ST6GALNAC1: variants seen among roughly 807,000 people sequenced by gnomAD.
ST6GALNAC1 encodes the protein ST6 N-acetylgalactosaminide alpha-2,6-sialyltransferase 1.
ST6GALNAC1 carries 45 observed loss-of-function variants against 56.8 expected under a neutral mutation model. The ratio of observed to expected loss-of-function variants is 0.79; its 90% CI spans 0.62 to 1.02. ST6GALNAC1 has a LOEUF of 1.02. Among genes scored for constraint, ST6GALNAC1 ranks in the 50% least tolerant of loss-of-function variants. ST6GALNAC1 has a pLI of 0.00. For missense variants in ST6GALNAC1, 743 were observed against 754.8 expected (o/e 0.98, Z 0.18); for synonymous variants, 295 against 297.8 (o/e 0.99, Z 0.10).
intron 5 of ST6GALNAC1, 55 bp from the exon 6 acceptor site, chr17:76,626,447 G>A (rs1421858996): frequency 1.9e-6 from 3 of 1,579,588 alleles, no homozygotes; most frequent in Non-Finnish European, 1.7e-6. Context: ...GACCACCACC[G>A]AGGGTGGCCC....
chr17:76,625,251 A>C lies in ST6GALNAC1; in HGVS notation c.*79T>G. 1 of 1,475,122 alleles carries C rather than the reference A, an allele frequency of 6.8e-7. No homozygotes were observed. The highest frequency in any genetic ancestry group is 9.3e-7 in the Non-Finnish European group (1 of 1,080,866). The allele number at this position is 1,475,122 out of a possible 1,614,324, so 91.4% of individuals were successfully genotyped here. ...TGGAGCTTAGTCTGAGCCATGGGAA[A>C]TGGCCAAAGAGTCTCAAGATTCCCA... is the stretch of plus-strand genomic sequence containing the variant. On this transcript the variant is annotated 3_prime_UTR_variant, in exon 9 of 9. Coordinates refer to ENST00000156626, the MANE Select transcript of ST6GALNAC1 (RefSeq NM_018414.5).
intron 1 of ST6GALNAC1, among the ~76,000 whole-genome samples, chr17:76,638,122 T>C (rs1226581990): frequency 6.6e-5 from 10 of 151,630 alleles, no homozygotes; most frequent in Admixed American, 5.9e-4. Context: ...TTTTTTTTTT[T>C]TTTTTTAATG....
At chr17:76,633,862 C>G (rs1286784577) in intron 1 of ST6GALNAC1, 1 of 152,208 alleles carries the variant, frequency 6.6e-6, no homozygotes, top group Admixed American at 6.5e-5. Flanking sequence ...TTTATGCCTG[C>G]AGCCATGAAA....
chr17:76,625,466 G>T lies in ST6GALNAC1; in HGVS notation c.1667C>A (p.Thr556Lys). 1 of 1,614,160 alleles carries T rather than the reference G, an allele frequency of 6.2e-7. No homozygotes were observed. The highest frequency in any genetic ancestry group is 8.5e-7 in the Non-Finnish European group (1 of 1,180,034). The change falls in exon 9 of 9, where the codon ACA becomes AAA. Residue 556 changes from threonine (T) to lysine (K), a missense_variant. Physicochemically the swap from Thr to Lys is moderately conservative, Grantham distance 78. Transcript: ENST00000156626. Reference protein sequence around the residue: ...HERFSDHYYDTSWKRLIFYIN... With the variant: ...HERFSDHYYDKSWKRLIFYIN... ...GTAAAAGATCAGCCGCTTCCATGAT[G>T]TATCATAGTAGTGATCAGAAAAGCG...
chr17:76,634,268 C>T (rs1278035222), intron 1 of ST6GALNAC1, among the ~76,000 whole-genome samples: 2 of 152,130 alleles, frequency 1.3e-5, no homozygotes, highest in Admixed American at 1.3e-4. Context: ...ATCTCAGGCC[C>T]CCTGGCTGGG....
Position 76,626,793 on chromosome 17 carries a change from T to C in ST6GALNAC1, c.1173-4A>G. ...TTTAATGAGAGCTCCGCTCAATCTG[T>C]GCAGAAAGACACAATCAGACGGGAC... On this transcript the variant is annotated splice_polypyrimidine_tract_variant and splice_region_variant and intron_variant, in intron 4 of 8. Transcript: ENST00000156626. 6.2e-7 allele frequency: 1 copy of C among 1,613,814 alleles called. No homozygotes were observed. The highest frequency in any genetic ancestry group is 8.5e-7 in the Non-Finnish European group (1 of 1,180,026).
chr17:76,619,740 G>GTTTTTTTTTTTTTTTTTT, the ST6GALNAC1 span, among the ~76,000 whole-genome samples: 27 of 101,584 alleles, frequency 2.7e-4, 1 homozygote, highest in African/African-American at 1.0e-3. Flanking sequence ...AATAATGTTA[G>GTTTTTTTTTTTTTTTTTT]TTTTTTTTTT....
rs1204490905 is a variant in ST6GALNAC1 at position 76,625,395 on chromosome 17, G to T, written c.1738C>A (p.His580Asn). ...KLEREVWKRL[H>N]DEGIIRLYQR... ...TACAGCCGGATTATCCCTTCATCGT[G>T]TAGCCGCTTCCAGACTTCTCTCTCC... The change falls in exon 9 of 9, where the codon CAC (histidine) becomes AAC (asparagine). Residue 580 changes from histidine to asparagine, a missense_variant. His to Asn is a moderately conservative substitution (Grantham distance 68). Coordinates refer to ENST00000156626, the MANE Select transcript of ST6GALNAC1 (RefSeq NM_018414.5). 6.2e-7 allele frequency: 1 copy of T among 1,614,144 alleles called. No individual in the cohort carries two copies. Among genetic ancestry groups the T allele is most frequent in the East Asian group, 2.2e-5 (1 of 44,892 alleles).
chr17:76,617,739 C>T, the ST6GALNAC1 span, among the ~76,000 whole-genome samples: 1 of 151,252 alleles, frequency 6.6e-6, no homozygotes, highest in Admixed American at 6.6e-5. Context: ...CCACTGCACT[C>T]CAGCCTGGGC....
chr17:76,634,658 T>C (rs543722865), intron 1 of ST6GALNAC1, among the ~76,000 whole-genome samples: 15,256 of 78,486 alleles, frequency 0.19, 1,504 homozygotes, highest in African/African-American at 0.36. Flanking sequence ...GGGTGGGGGG[T>C]GGATCACCTG....
At chr17:76,630,463 G>A (rs1003460943) in intron 1 of ST6GALNAC1, among the ~76,000 whole-genome samples, 3 of 152,058 alleles carry the variant, frequency 2.0e-5, no homozygotes, top group Admixed American at 6.6e-5. Flanking sequence ...GGTCTCCAGC[G>A]GGGGCACTCT....
chr17:76,622,267 T>TATA (rs57536715), downstream of ST6GALNAC1, among the ~76,000 whole-genome samples: 1 of 150,904 alleles, frequency 6.6e-6, no homozygotes, highest in Non-Finnish European at 1.5e-5. Context: ...TATATATATA[T>TATA]TAACCATTTA....
chr17:76,636,043 A>T (rs2075969545), intron 1 of ST6GALNAC1, among the ~76,000 whole-genome samples: 1 of 152,160 alleles, frequency 6.6e-6, no homozygotes, highest in African/African-American at 2.4e-5. Context: ...ATTTTTATAA[A>T]AGCAATGTGT....
downstream of ST6GALNAC1, among the ~76,000 whole-genome samples, chr17:76,620,074 T>C (rs142265838): frequency 4.6e-3 from 696 of 149,904 alleles, 9 homozygotes; most frequent in African/African-American, 0.017. Flanking sequence ...AGAGTCTTGC[T>C]CTGTCACCCA....
At chr17:76,638,110 C>CTTT (rs397744489) in intron 1 of ST6GALNAC1, among the ~76,000 whole-genome samples, 6 of 132,796 alleles carry the variant, frequency 4.5e-5, no homozygotes, top group Admixed American at 7.6e-5. Context: ...ACAGCTCACT[C>CTTT]TTTTTTTTTT....
Position 76,625,318 on chromosome 17 carries a change from C to T in ST6GALNAC1, c.*12G>A. On this transcript the variant is annotated 3_prime_UTR_variant, in exon 9 of 9. Transcript: ENST00000156626. ...GGAGCAGGCAAGGAGACCATGGCAG[C>T]CCTGGCCCCGGTCAGTTCTTGGCTT... The T allele has an allele frequency of 6.2e-7, 1 of 1,610,226 alleles. No homozygotes were observed. Among genetic ancestry groups the T allele is most frequent in the Non-Finnish European group, 8.5e-7 (1 of 1,179,092 alleles).
At chr17:76,637,692 A>G (rs1208623873) in intron 1 of ST6GALNAC1, 3 of 398,916 alleles carry the variant, frequency 7.5e-6, no homozygotes, top group African/African-American at 2.1e-5. Context: ...TCCCACTCCC[A>G]TGCCTTGGCA....
chr17:76,626,483 C>T, intron 5 of ST6GALNAC1, 91 bp from the exon 6 acceptor site: 9 of 1,514,998 alleles, frequency 5.9e-6, no homozygotes, highest in Non-Finnish European at 8.2e-6. Flanking sequence ...TGCCCACTTG[C>T]TCTGCTCTGG....
In ST6GALNAC1 at chr17:76,629,435, T is replaced by C. The variant is rs139045542; in HGVS notation, c.408A>G (p.Thr136=). The part of the protein sequence containing the change: ...SPEKEKTMVN[T]LSPRGQDAGM... ...CTGCATCTTGCCCTCTGGGTGACAG[T>C]GTGTTCACCATGGTTTTCTCTTTTT... Residue 136 remains threonine (T), a synonymous_variant, in exon 2 of 9, where the codon ACA becomes ACG. Coordinates refer to ENST00000156626, the MANE Select transcript of ST6GALNAC1 (RefSeq NM_018414.5). 5.5e-3 allele frequency: 8,943 copies of C among 1,614,130 alleles called. 32 individuals are homozygous for C. Among genetic ancestry groups the C allele is most frequent in the Non-Finnish European group, 6.9e-3 (8,096 of 1,180,022 alleles).
Sources: gnomAD v4.1 joint callset for allele counts (sites outside exome capture counted in the v4.1 genomes callset) on GRCh38, gnomAD v4.1.1 for gene constraint, MANE v1.5 for transcripts, NCBI Gene and HGNC (gene_info 2026-07-23, HGNC 2026-07-21) for gene names.